Variants in CEP112 observed in about 807,000 individuals in gnomAD.
CEP112 encodes the protein centrosomal protein 112, also known as centrosomal protein of 112 kDa.
CEP112 carries 127 observed loss-of-function variants against 153.0 expected under a neutral mutation model. The observed-to-expected ratio is 0.83, with a 90% confidence interval of 0.72 to 0.96. CEP112 has a LOEUF of 0.96. CEP112 is among the 40% of genes least tolerant of loss of function. The pLI is 0.00. For missense variants in CEP112, 1,089 were observed against 1,101.2 expected, an observed-to-expected ratio of 0.99 and a Z score of 0.16; for synonymous variants, 358 against 374.4, an observed-to-expected ratio of 0.96 and a Z score of 0.51.
chr17:65,816,814 G>A (rs925929699), intron 21 of CEP112, among the ~76,000 whole-genome samples: 1 of 151,938 alleles, frequency 6.6e-6, no homozygotes, highest in African/African-American at 2.4e-5. Flanking sequence ...AGGTGACTTG[G>A]AAAATGTTTC....
chr17:65,885,005 C>G (rs1011099641), intron 20 of CEP112, among the ~76,000 whole-genome samples: 1 of 151,968 alleles, frequency 6.6e-6, no homozygotes, highest in Admixed American at 6.6e-5. Context: ...TGTGAGCCAT[C>G]GCGCCCGGCC....
chr17:65,707,749 T>C (rs1361349841), intron 23 of CEP112, among the ~76,000 whole-genome samples: 1 of 152,170 alleles, frequency 6.6e-6, no homozygotes, highest in Non-Finnish European at 1.5e-5. Flanking sequence ...AATAGAAAAA[T>C]GTGTGTTTTA....
chr17:66,027,375 T>TG (rs2065258359), intron 16 of CEP112, 126 bp downstream of exon 16: 1 of 853,026 alleles, frequency 1.2e-6, no homozygotes. Context: ...AGACTCTGTC[T>TG]AAAAAAAAAG....
At position 65,981,063 on chromosome 17, in the gene CEP112, G is replaced by A. The variant is rs544045239; in HGVS notation, c.1737-19465C>T. 4.6e-5 allele frequency among the ~76,000 whole-genome samples: 7 copies of A among 152,116 alleles called. No individual in the cohort carries two copies. The South Asian group carries it at 8.3e-4, about 18-fold the overall frequency. On this transcript the variant is annotated intron_variant, in intron 17 of 26. Transcript: ENST00000535342. ...ACTCCTGACCTCAGGTGATCCACCCGTCTCAGCCTCCCAAAGTGCTGGGAT... is the reference window on the plus strand; with the variant it reads ...ACTCCTGACCTCAGGTGATCCACCCATCTCAGCCTCCCAAAGTGCTGGGAT...
At chr17:66,119,279 A>G (rs1043075257) in intron 6 of CEP112, among the ~76,000 whole-genome samples, 4 of 152,146 alleles carry the variant, frequency 2.6e-5, no homozygotes, top group Non-Finnish European at 5.9e-5. Context: ...GGTGCAGCAA[A>G]CCATCATGGC....
chr17:65,918,179 CAA>C (rs55755336), intron 19 of CEP112, among the ~76,000 whole-genome samples: 3 of 117,026 alleles, frequency 2.6e-5, no homozygotes, highest in Non-Finnish European at 3.6e-5. Flanking sequence ...GACTCTGTCT[CAA>C]AAAAAAAAAA....
intron 20 of CEP112, among the ~76,000 whole-genome samples, chr17:65,861,095 G>A (rs1382063747): frequency 2.6e-5 from 4 of 152,202 alleles, no homozygotes; most frequent in Non-Finnish European, 5.9e-5. Flanking sequence ...CTAGGTCTGG[G>A]AGTGTTGAGT....
chr17:65,932,170 G>A (rs1450374346), intron 18 of CEP112, among the ~76,000 whole-genome samples: 5 of 152,102 alleles, frequency 3.3e-5, no homozygotes, highest in East Asian at 1.9e-4. Flanking sequence ...GCAGCCCCTC[G>A]TAACTAAAGA....
At position 65,675,413 on chromosome 17, in the gene CEP112, C is replaced by T. The variant is rs893391032; in HGVS notation, c.2697+13716G>A. On this transcript the variant is annotated intron_variant, in intron 24 of 26. Coordinates refer to ENST00000535342, the MANE Select transcript of CEP112 (RefSeq NM_001199165.4). Reference sequence around the variant, plus strand: ...TAGAGATGGGGTTTCACCATATTGGCCAGGCTGGTCTCGAATGCCTGACCT... The same window carrying T: ...TAGAGATGGGGTTTCACCATATTGGTCAGGCTGGTCTCGAATGCCTGACCT... Among the ~76,000 whole-genome samples the T allele has an allele frequency of 3.3e-5, 5 of 152,202 alleles. No homozygotes were observed. The South Asian group carries it at 8.3e-4, about 25-fold the overall frequency.
In CEP112 at chr17:65,782,832, G is replaced by A. The variant is rs141725590; in HGVS notation, c.2395-32108C>T. Among the ~76,000 whole-genome samples the A allele has an allele frequency of 9.1e-3, 1,378 of 152,180 alleles. 8 individuals carry two copies. The highest frequency in any genetic ancestry group is 0.016 in the South Asian group (79 of 4,812). ...ACTACTAGAGGTGGGAGGGAGAAGA[G>A]GGTAGGGGTGGGAAAACTAACTGTT... On this transcript the variant is annotated intron_variant, in intron 21 of 26. Transcript: ENST00000535342.
chr17:65,818,857 T>C (rs1387251208), intron 21 of CEP112, among the ~76,000 whole-genome samples: 1 of 151,774 alleles, frequency 6.6e-6, no homozygotes, highest in Non-Finnish European at 1.5e-5. Context: ...AGATTGACTT[T>C]TAATACATTA....
chr17:66,110,304 C>G (rs2146368588), intron 6 of CEP112, among the ~76,000 whole-genome samples: 1 of 150,938 alleles, frequency 6.6e-6, no homozygotes, highest in Non-Finnish European at 1.5e-5. Context: ...TGCATTCCAG[C>G]CTGGCAATGA....
intron 6 of CEP112, among the ~76,000 whole-genome samples, chr17:66,109,363 T>C (rs1306620053): frequency 6.6e-6 from 1 of 152,120 alleles, no homozygotes; most frequent in Non-Finnish European, 1.5e-5. Context: ...ATGCCTGTTA[T>C]CAAAATATCT....
chr17:65,789,505 G>C (rs956507879), intron 21 of CEP112, among the ~76,000 whole-genome samples: 2 of 152,080 alleles, frequency 1.3e-5, no homozygotes, highest in African/African-American at 4.8e-5. Flanking sequence ...ACCATTCAGG[G>C]CCAGGACTTT....
At chr17:65,992,286 C>A (rs6504385) in intron 17 of CEP112, among the ~76,000 whole-genome samples, 2 of 152,184 alleles carry the variant, frequency 1.3e-5, no homozygotes, top group Non-Finnish European at 2.9e-5. Flanking sequence ...TTAAAAGTGT[C>A]ATAGGAAAGC....
intron 16 of CEP112, among the ~76,000 whole-genome samples, chr17:66,007,752 G>C (rs1427700796): frequency 6.6e-6 from 1 of 152,132 alleles, no homozygotes; most frequent in Non-Finnish European, 1.5e-5. Context: ...GGACAATTCA[G>C]AAGAAAGTTA....
chr17:66,188,752 A>G (rs1216358476), intron 1 of CEP112, among the ~76,000 whole-genome samples: 1 of 152,152 alleles, frequency 6.6e-6, no homozygotes, highest in Non-Finnish European at 1.5e-5. Flanking sequence ...ACATGTATAC[A>G]ATATATTCCA....
Position 66,161,073 on chromosome 17 carries a change from T to C in CEP112, c.470+13971A>G, listed in dbSNP as rs2146759033. 2.0e-5 allele frequency among the ~76,000 whole-genome samples: 3 copies of C among 151,298 alleles called. No homozygotes were observed. The South Asian group carries it at 6.2e-4, about 31-fold the overall frequency. On this transcript the variant is annotated intron_variant, in intron 4 of 26. Coordinates refer to ENST00000535342, the MANE Select transcript of CEP112 (RefSeq NM_001199165.4). Reference sequence around the variant, plus strand: ...AAGGTATTTATGCCACCAACAAACATACGAAAAAAAGCTCATCATCACTGG... The same window carrying C: ...AAGGTATTTATGCCACCAACAAACACACGAAAAAAAGCTCATCATCACTGG...
At chr17:65,948,537 A>C (rs1045077890) in intron 18 of CEP112, among the ~76,000 whole-genome samples, 1 of 151,716 alleles carries the variant, frequency 6.6e-6, no homozygotes, top group Non-Finnish European at 1.5e-5. Flanking sequence ...CACAGAGAAT[A>C]GGTAAATATA....
Sources: gnomAD v4.1 joint callset for allele counts (sites outside exome capture counted in the v4.1 genomes callset) on GRCh38, gnomAD v4.1.1 for gene constraint, MANE v1.5 for transcripts, NCBI Gene and HGNC (gene_info 2026-07-23, HGNC 2026-07-21) for gene names.